Variants in MAP2 observed in about 807,000 individuals in gnomAD.
MAP2 encodes microtubule associated protein 2, also known as microtubule-associated protein 2.
Under a neutral mutation model 137.6 loss-of-function variants are expected in MAP2, and 14 were observed. The ratio of observed to expected loss-of-function variants is 0.10; its 90% CI spans 0.07 to 0.16. The LOEUF (loss-of-function observed/expected upper bound fraction) is 0.16, where lower values mean the gene tolerates loss of function less well. MAP2 is among the 10% of genes least tolerant of loss of function. The pLI, the probability that MAP2 is intolerant of heterozygous loss-of-function variation, is 1.00. For missense variants in MAP2, 2,088 were observed against 2,191.5 expected (o/e 0.95, Z 0.94); for synonymous variants, 786 against 782.3 (o/e 1.00, Z -0.08).
chr2:209,522,811 A>G (rs2063473696), intron 2 of MAP2, among the ~76,000 whole-genome samples: 1 of 152,162 alleles, frequency 6.6e-6, no homozygotes, highest in Non-Finnish European at 1.5e-5. Context: ...GGTTGCATTC[A>G]AACTGTTACA....
intron 1 of MAP2, among the ~76,000 whole-genome samples, chr2:209,491,448 G>C (rs1019037521): frequency 3.3e-5 from 5 of 152,120 alleles, no homozygotes; most frequent in Middle Eastern, 3.2e-3. Context: ...ACTAAGATCA[G>C]AGCAGAAATG....
intron 7 of MAP2, among the ~76,000 whole-genome samples, chr2:209,686,557 GTAAA>G (rs1467678559): frequency 9.9e-5 from 15 of 152,070 alleles, no homozygotes; most frequent in African/African-American, 3.6e-4. Context: ...CTCAATATAA[GTAAA>G]TAAATAGTGA....
intron 7 of MAP2, among the ~76,000 whole-genome samples, chr2:209,689,164 T>C: frequency 6.6e-6 from 1 of 152,278 alleles, no homozygotes; most frequent in South Asian, 2.1e-4. Flanking sequence ...TTAACTGTAA[T>C]CAAAATCTAT....
At chr2:209,689,068 C>G (rs1429663044) in intron 7 of MAP2, among the ~76,000 whole-genome samples, 1 of 151,998 alleles carries the variant, frequency 6.6e-6, no homozygotes, top group Non-Finnish European at 1.5e-5. Flanking sequence ...AGCTAAAAAG[C>G]TACATGGATT....
chr2:209,674,046 G>A (rs2050120709), intron 5 of MAP2, among the ~76,000 whole-genome samples: 1 of 151,638 alleles, frequency 6.6e-6, no homozygotes, highest in Non-Finnish European at 1.5e-5. Context: ...CAGGAAACTG[G>A]GTGTGAAGCC....
intron 11 of MAP2, among the ~76,000 whole-genome samples, chr2:209,703,386 A>G (rs573836800): frequency 6.6e-6 from 1 of 152,192 alleles, no homozygotes; most frequent in South Asian, 2.1e-4. Flanking sequence ...TAAGATATGG[A>G]TTATATGTAC....
chr2:209,700,242 T>C (rs1233578842), intron 10 of MAP2, 35 bp from the exon 11 acceptor site: 2 of 1,589,084 alleles, frequency 1.3e-6, no homozygotes, highest in Non-Finnish European at 1.7e-6. Flanking sequence ...TTTTAGCAAC[T>C]AAGTTTGGGG....
chr2:209,428,417 G>A (rs1411009605), intron 1 of MAP2, among the ~76,000 whole-genome samples: 2 of 149,576 alleles, frequency 1.3e-5, no homozygotes, highest in African/African-American at 4.9e-5. Context: ...ATGTTAATGA[G>A]CAAATAATTT....
rs938586612 is a variant in MAP2 at position 209,653,771 on chromosome 2, A to G, written c.262+339A>G. Among the ~76,000 whole-genome samples, 4 of 152,200 alleles carry G rather than the reference A, an allele frequency of 2.6e-5. No individual in the cohort carries two copies. The East Asian group carries it at 7.7e-4, about 29-fold the overall frequency. On this transcript the variant is annotated intron_variant, in intron 5 of 15. Transcript: ENST00000682079. ...TTTTAATTCTCTTAAATGACCTTGGACCTAAATCCAATGGATTGATTAGAA... is the reference window on the plus strand; with the variant it reads ...TTTTAATTCTCTTAAATGACCTTGGGCCTAAATCCAATGGATTGATTAGAA...
chr2:209,545,717 G>C (rs950061655), intron 2 of MAP2, among the ~76,000 whole-genome samples: 2 of 152,172 alleles, frequency 1.3e-5, no homozygotes, highest in African/African-American at 4.8e-5. Flanking sequence ...TAAAAAAGAA[G>C]TTCAGGATCT....
At chr2:209,491,204 A>C (rs1392591531) in intron 1 of MAP2, among the ~76,000 whole-genome samples, 1 of 152,184 alleles carries the variant, frequency 6.6e-6, no homozygotes, top group East Asian at 1.9e-4. Context: ...CTACTGGGTA[A>C]ATAACAAAAT....
chr2:209,527,309 C>G (rs2064216549), intron 2 of MAP2, among the ~76,000 whole-genome samples: 1 of 152,126 alleles, frequency 6.6e-6, no homozygotes, highest in Non-Finnish European at 1.5e-5. Context: ...TTTCACCTAA[C>G]TAGAATGTTC....
intron 13 of MAP2, among the ~76,000 whole-genome samples, chr2:209,722,901 A>G (rs1480384411): frequency 6.6e-6 from 1 of 152,182 alleles, no homozygotes; most frequent in Non-Finnish European, 1.5e-5. Flanking sequence ...TCCTCTAAAA[A>G]TGGAAATAAT....
rs146985345 is a variant in MAP2 at position 209,723,091 on chromosome 2, A to G, written c.5074-2618A>G. Among the ~76,000 whole-genome samples the G allele has an allele frequency of 6.2e-3, 939 of 152,342 alleles. 5 individuals are homozygous for G. The highest frequency in any genetic ancestry group is 0.01 in the Middle Eastern group (3 of 294). On this transcript the variant is annotated intron_variant, in intron 13 of 15. Transcript: ENST00000682079. ...ATGAGAACTCTGATGTAGAGCATTC[A>G]CCATGTGTGAGCCCCATTTGTGCTG...
At chr2:209,483,371 G>C (rs1294857190) in intron 1 of MAP2, among the ~76,000 whole-genome samples, 1 of 152,092 alleles carries the variant, frequency 6.6e-6, no homozygotes, top group African/African-American at 2.4e-5. Flanking sequence ...TTTAAAAAAA[G>C]GTATTTAGCC....
chr2:209,447,014 T>C (rs570657171), intron 1 of MAP2, among the ~76,000 whole-genome samples: 2 of 152,086 alleles, frequency 1.3e-5, no homozygotes, highest in African/African-American at 2.4e-5. Context: ...CCTTTTTTTC[T>C]GGCAAAGCTG....
chr2:209,593,780 CATTATATTATATTATATATAAT>C, intron 3 of MAP2, among the ~76,000 whole-genome samples: 1 of 124 alleles, frequency 8.1e-3, no homozygotes, highest in African/African-American at 0.01. Flanking sequence ...TAATATAATA[CATTATATTATATTATATATAAT>C]ATATAATATA....
At chr2:209,503,967 G>A (rs1242964347) in intron 1 of MAP2, among the ~76,000 whole-genome samples, 3 of 152,018 alleles carry the variant, frequency 2.0e-5, no homozygotes, top group African/African-American at 7.2e-5. Context: ...GTGGTGAAAC[G>A]CACATGTAAT....
intron 12 of MAP2, among the ~76,000 whole-genome samples, chr2:209,706,468 T>C (rs1182411250): frequency 3.3e-5 from 5 of 152,090 alleles, no homozygotes; most frequent in Non-Finnish European, 7.4e-5. Flanking sequence ...ATGACTATTA[T>C]AATAATTAAT....
Sources: gnomAD v4.1 joint callset for allele counts (sites outside exome capture counted in the v4.1 genomes callset) on GRCh38, gnomAD v4.1.1 for gene constraint, MANE v1.5 for transcripts, NCBI Gene and HGNC (gene_info 2026-07-23, HGNC 2026-07-21) for gene names.